UTRN: variants seen among roughly 807,000 people sequenced by gnomAD.
The protein encoded by UTRN is dystrophin-related protein 1.
UTRN carries 283 observed loss-of-function variants against 463.9 expected under a neutral mutation model. That is an observed-to-expected ratio of 0.61 (90% CI 0.55 to 0.67). The LOEUF is 0.67. Among genes scored for constraint, UTRN ranks in the 30% least tolerant of loss-of-function variants. The pLI is 0.00. For synonymous variants in UTRN, 1,442 were observed against 1,431.5 expected (o/e 1.01, Z -0.17); for missense variants, 3,922 against 4,084.3 (o/e 0.96, Z 1.08).
At chr6:144,362,514 A>G (rs1289365684) in intron 2 of UTRN, among the ~76,000 whole-genome samples, 1 of 152,192 alleles carries the variant, frequency 6.6e-6, no homozygotes, top group African/African-American at 2.4e-5. Context: ...ACCCAGAGTG[A>G]GTGCTGGCCA....
chr6:144,630,882 C>G (rs1444961249), intron 51 of UTRN, among the ~76,000 whole-genome samples: 1 of 152,046 alleles, frequency 6.6e-6, no homozygotes, highest in African/African-American at 2.4e-5. Context: ...AATAACCACC[C>G]CAAGAAGACT....
In UTRN at chr6:144,325,379, T is replaced by G. The variant is rs368414240; in HGVS notation, c.79+33472T>G. On this transcript the variant is annotated intron_variant, in intron 2 of 74. Coordinates refer to ENST00000367545, the MANE Select transcript of UTRN (RefSeq NM_007124.3). ...GTTTGACTCTCTCTTGCTTACTTGC[T>G]GTCAGTGTATCCTGCCCTTTCACCT... Among the ~76,000 whole-genome samples the G allele has an allele frequency of 3.5e-4, 53 of 152,356 alleles. 2 individuals are homozygous for G. In the South Asian group the frequency reaches 0.011, roughly 30 times the overall value.
At chr6:144,789,049 T>C in intron 61 of UTRN, 145 bp from the exon 62 acceptor site, 1 of 642,846 alleles carries the variant, frequency 1.6e-6, no homozygotes, top group South Asian at 2.1e-5. Flanking sequence ...TAATATTAAT[T>C]GTTAAAAGTT....
intron 34 of UTRN, among the ~76,000 whole-genome samples, chr6:144,501,951 C>G (rs953467794): frequency 1.3e-5 from 2 of 152,068 alleles, no homozygotes; most frequent in Non-Finnish European, 2.9e-5. Context: ...AAAAATACCG[C>G]TTTTTACTCT....
At chr6:144,649,488 GAACAACACA>G (rs1778593765) in intron 51 of UTRN, among the ~76,000 whole-genome samples, 1 of 152,082 alleles carries the variant, frequency 6.6e-6, no homozygotes, top group Admixed American at 6.6e-5. Context: ...TCCTATTATT[GAACAACACA>G]AAGATGGAAT....
chr6:144,689,349 A>G (rs1257742965), intron 52 of UTRN, among the ~76,000 whole-genome samples: 1 of 152,206 alleles, frequency 6.6e-6, no homozygotes, highest in African/African-American at 2.4e-5. Context: ...CTCTTGGGGC[A>G]GAGCTGCAGA....
At chr6:144,394,787 A>C (rs1032971858) in intron 2 of UTRN, among the ~76,000 whole-genome samples, 1 of 152,094 alleles carries the variant, frequency 6.6e-6, no homozygotes, top group African/African-American at 2.4e-5. Flanking sequence ...CTGTGAATTT[A>C]TGAGGAAGAT....
intron 2 of UTRN, among the ~76,000 whole-genome samples, chr6:144,301,996 C>T (rs987905430): frequency 6.6e-6 from 1 of 152,130 alleles, no homozygotes; most frequent in Non-Finnish European, 1.5e-5. Context: ...CTTCTCCCTG[C>T]GTCCCCAGTT....
At chr6:144,586,335 T>A (rs1802462539) in intron 51 of UTRN, among the ~76,000 whole-genome samples, 1 of 152,136 alleles carries the variant, frequency 6.6e-6, no homozygotes, top group Admixed American at 6.6e-5. Flanking sequence ...ATACATCCAA[T>A]AAAATTTGAG....
chr6:144,642,132 C>T (rs73597587), intron 51 of UTRN, among the ~76,000 whole-genome samples: 2,676 of 152,214 alleles, frequency 0.018, 53 homozygotes, highest in African/African-American at 0.047. Context: ...GCTGCAAAAG[C>T]GTGGTCTGAA....
At chr6:144,395,401 G>GTTTT (rs397960296) in intron 2 of UTRN, among the ~76,000 whole-genome samples, 110 of 127,776 alleles carry the variant, frequency 8.6e-4, no homozygotes, top group African/African-American at 3.0e-3. Flanking sequence ...AAGATGTTGA[G>GTTTT]TTTTTTTTTT....
chr6:144,417,586 T>G (rs1784460978), intron 3 of UTRN, among the ~76,000 whole-genome samples: 1 of 152,232 alleles, frequency 6.6e-6, no homozygotes, highest in African/African-American at 2.4e-5. Flanking sequence ...TACTGCCTGT[T>G]TCCGTATGGC....
chr6:144,697,122 C>T (rs868817137), intron 52 of UTRN, among the ~76,000 whole-genome samples: 5 of 152,080 alleles, frequency 3.3e-5, no homozygotes, highest in South Asian at 2.1e-4. Flanking sequence ...GAGTAACTTG[C>T]GTAAAAGATA....
intron 68 of UTRN, 94 bp downstream of exon 68, chr6:144,827,770 G>T: frequency 7.1e-7 from 1 of 1,408,996 alleles, no homozygotes; most frequent in Non-Finnish European, 9.7e-7. Context: ...CTTGATTTAA[G>T]AAATGCAGTT....
rs530469219 is a variant in UTRN at position 144,798,111 on chromosome 6, T to C, written c.9245+121T>C. On this transcript the variant is annotated intron_variant, in intron 64 of 74. Transcript: ENST00000367545. The stretch of plus-strand genomic sequence containing the variant: ...AGGTTTGCTTTCTAAATAAATGGTA[T>C]GTTCAGTATGTCTCATCTATCTAAA... 257 of 1,300,734 alleles carry C rather than the reference T, an allele frequency of 2.0e-4. 1 individual carries two copies. The highest frequency in any genetic ancestry group is 1.1e-3 in the African/African-American group (72 of 67,494). 80.6% of individuals were successfully genotyped at this position (1,300,734 alleles called of 1,614,324 possible). A position where few individuals can be genotyped will look rare whatever the true frequency, so the allele number is the denominator to read the frequency against.
intron 54 of UTRN, among the ~76,000 whole-genome samples, chr6:144,737,599 A>C (rs958251648): frequency 6.6e-6 from 1 of 152,180 alleles, no homozygotes; most frequent in Admixed American, 6.5e-5. Context: ...TAAATGGGTA[A>C]AATGTAGCTC....
chr6:144,711,526 A>G (rs938910736), intron 53 of UTRN, among the ~76,000 whole-genome samples: 3 of 152,188 alleles, frequency 2.0e-5, no homozygotes, highest in African/African-American at 7.2e-5. Flanking sequence ...TGCACCTACA[A>G]TGTATATAGT....
chr6:144,474,589 C>G lies in UTRN; in HGVS notation c.3181-15C>G, dbSNP rs374222754. Reference sequence around the variant, plus strand: ...ATATAGTAATGAACTCAACATGCATCTTTTATGTGTTTAGGCATTTGTTAA... The same window carrying G: ...ATATAGTAATGAACTCAACATGCATGTTTTATGTGTTTAGGCATTTGTTAA... On this transcript the variant is annotated splice_polypyrimidine_tract_variant and intron_variant, in intron 24 of 74. Transcript: ENST00000367545. The G allele has an allele frequency of 3.1e-6, 5 of 1,605,986 alleles. No homozygotes were observed. The African/African-American group carries it at 6.7e-5, about 22-fold the overall frequency.
At chr6:144,696,267 G>A (rs766069146) in intron 52 of UTRN, among the ~76,000 whole-genome samples, 1 of 151,406 alleles carries the variant, frequency 6.6e-6, no homozygotes, top group African/African-American at 2.4e-5. Context: ...CTCTAGTGTA[G>A]CACATTCTAA....
Sources: allele counts gnomAD v4.1 joint callset (sites outside exome capture counted in the v4.1 genomes callset), GRCh38; gene constraint gnomAD v4.1.1; transcripts MANE v1.5; gene names NCBI Gene and HGNC (gene_info 2026-07-23, HGNC 2026-07-21).